The following WNT9A variants were observed in gnomAD, a reference collection of about 807,000 sequenced individuals.
The protein encoded by WNT9A is Wnt family member 9A, also known as protein Wnt-9a.
In WNT9A, 8 loss-of-function variants were observed where a neutral mutation model predicts 31.4. The observed-to-expected ratio is 0.26, with a 90% CI of 0.15 to 0.46. The LOEUF (loss-of-function observed/expected upper bound fraction) is 0.46, where lower values mean the gene tolerates loss of function less well. Among genes scored for constraint, WNT9A ranks in the 20% least tolerant of loss-of-function variants. The pLI is 0.99. For missense variants in WNT9A, 457 were observed against 522.9 expected (o/e 0.87, Z 1.23); for synonymous variants, 236 against 220.1 (o/e 1.07, Z -0.64).
At chr1:227,929,116 T>C (rs1666467391) in intron 1 of WNT9A, among the ~76,000 whole-genome samples, 1 of 152,078 alleles carries the variant, frequency 6.6e-6, no homozygotes, top group African/African-American at 2.4e-5. Flanking sequence ...GGAAACCAAC[T>C]GGCTCTTCAA....
chr1:227,924,532 G>A (rs1452577614), intron 2 of WNT9A, 132 bp from the exon 3 acceptor site: 16 of 1,348,828 alleles, frequency 1.2e-5, no homozygotes, highest in Admixed American at 2.5e-5. Context: ...TGCTGCACTC[G>A]GGACAGGGTG....
intron 3 of WNT9A, 49 bp downstream of exon 3, chr1:227,924,089 C>A: frequency 1.3e-6 from 1 of 741,270 alleles, no homozygotes; most frequent in Non-Finnish European, 2.0e-6. Flanking sequence ...AACCCCCTGA[C>A]GCTCTTTCTG....
rs568071666 is a variant in WNT9A, at chr1:227,946,375, G to A, written c.95+1418C>T. 2.6e-3 allele frequency among the ~76,000 whole-genome samples: 403 copies of A among 152,382 alleles called. 2 individuals are homozygous for A. Among genetic ancestry groups the A allele is most frequent in the African/African-American group, 9.2e-3 (383 of 41,586 alleles). On this transcript the variant is annotated intron_variant, in intron 1 of 3. Coordinates refer to ENST00000272164, the MANE Select transcript of WNT9A (RefSeq NM_003395.4). ...GGGTGTGTCCCCAGCCCAAGAAGCA[G>A]AGCCTCCGCTGGGCCGGAGAGCAGG... is the stretch of plus-strand genomic sequence containing the variant.
chr1:227,927,618 CG>C (rs1558260451), intron 1 of WNT9A, among the ~76,000 whole-genome samples: 1 of 152,120 alleles, frequency 6.6e-6, no homozygotes, highest in East Asian at 1.9e-4. Flanking sequence ...GGGAGGCAGG[CG>C]GGGGAGTAAG....
chr1:227,924,085 C>CCCCCCCCCCCTTTTT, intron 3 of WNT9A, 53 bp downstream of exon 3: 1 of 1,063,498 alleles, frequency 9.4e-7, no homozygotes, highest in South Asian at 1.7e-5. Context: ...CCCCAACCCC[C>CCCCCCCCCCCTTTTT]TGACGCTCTT....
In WNT9A at chr1:227,920,210, G is replaced by C. The variant is rs975843090; in HGVS notation, c.*1308C>G. 6.6e-6 allele frequency: 1 copy of C among 152,326 alleles called. No homozygotes were observed. The highest frequency in any genetic ancestry group is 1.5e-5 in the Non-Finnish European group (1 of 68,110). The allele number at this position is 152,326 out of a possible 1,614,324, so 9.4% of individuals were successfully genotyped here. On this transcript the variant is annotated 3_prime_UTR_variant, in exon 4 of 4. Transcript: ENST00000272164. ...CACGTGGCAGTGGCTGGCTGGCATG[G>C]GGCTGGGGGAGCTGGCTTCCAGAAG...
At position 227,925,208 on chromosome 1, in the gene WNT9A, G is replaced by T. The variant is rs747076405; in HGVS notation, c.352+55C>A. ...AGGGGCCTCTTGGGATATGGACAAG[G>T]CCTGGGCTGCCACCTGTCTGGGGCC... is the stretch of plus-strand genomic sequence containing the variant. On this transcript the variant is annotated intron_variant, in intron 2 of 3. Coordinates refer to ENST00000272164, the MANE Select transcript of WNT9A (RefSeq NM_003395.4). The surrounding 1 kb of genome is among the most constrained non-coding windows in gnomAD (Gnocchi z 6.0). 9 of 1,471,042 alleles carry T rather than the reference G, an allele frequency of 6.1e-6. No individual in the cohort carries two copies. Among genetic ancestry groups the T allele is most frequent in the Non-Finnish European group, 8.1e-6 (9 of 1,109,112 alleles). 91.1% of individuals were successfully genotyped at this position (1,471,042 alleles called of 1,614,324 possible).
At chr1:227,929,178 C>T (rs1666468987) in intron 1 of WNT9A, among the ~76,000 whole-genome samples, 1 of 152,146 alleles carries the variant, frequency 6.6e-6, no homozygotes, top group East Asian at 1.9e-4. Context: ...GCCTTCCTTC[C>T]CAGCTGCTCC....
chr1:227,935,587 C>G (rs950213807), intron 1 of WNT9A, among the ~76,000 whole-genome samples: 1 of 152,242 alleles, frequency 6.6e-6, no homozygotes, highest in Non-Finnish European at 1.5e-5. Context: ...GGAAATTAGA[C>G]TAAGCCCTTA....
Position 227,921,358 on chromosome 1 carries a change from C to CA in WNT9A, c.*159dup. On this transcript the variant is annotated 3_prime_UTR_variant, in exon 4 of 4. Coordinates refer to ENST00000272164, the MANE Select transcript of WNT9A (RefSeq NM_003395.4). Reference sequence around the variant, plus strand: ...GCTGCTAGGTCTGAGCCCAGGGACTCAGCCCATGCAGGTGTAGACCCATTC... The same window carrying CA: ...GCTGCTAGGTCTGAGCCCAGGGACTCAAGCCCATGCAGGTGTAGACCCATTC... The CA allele has an allele frequency of 8.3e-7, 1 of 1,201,360 alleles. No individual in the cohort carries two copies. Among genetic ancestry groups the CA allele is most frequent in the East Asian group, 2.4e-5 (1 of 40,958 alleles). The allele number at this position is 1,201,360 out of a possible 1,614,324, so 74.4% of individuals were successfully genotyped here. A position where few individuals can be genotyped will look rare whatever the true frequency, so the allele number is the denominator to read the frequency against.
At chr1:227,924,975 C>A (rs1217067545) in intron 2 of WNT9A, among the ~76,000 whole-genome samples, 1 of 152,100 alleles carries the variant, frequency 6.6e-6, no homozygotes, top group African/African-American at 2.4e-5. Flanking sequence ...CTGGCATGAG[C>A]CGAGGGCTGT....
chr1:227,946,221 C>T (rs989213961), intron 1 of WNT9A, among the ~76,000 whole-genome samples: 4 of 152,236 alleles, frequency 2.6e-5, no homozygotes, highest in African/African-American at 9.6e-5. Flanking sequence ...GCAGCAGAGC[C>T]CCTTGACCTT....
chr1:227,937,207 A>G (rs1666610254), intron 1 of WNT9A, among the ~76,000 whole-genome samples: 1 of 152,134 alleles, frequency 6.6e-6, no homozygotes, highest in Admixed American at 6.5e-5. Context: ...GCCATCCCCA[A>G]GTGTCTTCCT....
chr1:227,921,567 T>G lies in WNT9A; in HGVS notation c.1049A>C (p.Glu350Ala). ...CTCACGCTGCGTGCACTGCCTGCAC[T>G]CCACATAGCAGCACCAACGCACCTG... The part of the protein sequence containing the change: ...QCQVRWCCYV[E>A]CRQCTQREEV... The change falls in exon 4 of 4, where the codon GAG becomes GCG. Residue 350 changes from glutamate to alanine, a missense_variant. Glu to Ala is a moderately radical substitution (Grantham distance 107). Coordinates refer to ENST00000272164, the MANE Select transcript of WNT9A (RefSeq NM_003395.4). The G allele has an allele frequency of 1.2e-6, 2 of 1,613,304 alleles. No individual in the cohort carries two copies. The highest frequency in any genetic ancestry group is 1.7e-6 in the Non-Finnish European group (2 of 1,179,834).
In WNT9A at chr1:227,919,714, C is replaced by CAA. The variant is rs1666275459; in HGVS notation, c.*1803_*1804insTT. On this transcript the variant is annotated 3_prime_UTR_variant, in exon 4 of 4. Transcript: ENST00000272164. ...ACACACACACACACACACACACACA[C>CAA]ACACACACAGACCATGCCAGCATGC... The CAA allele has an allele frequency of 9.4e-6, 1 of 106,396 alleles. No individual in the cohort carries two copies. Among genetic ancestry groups the CAA allele is most frequent in the Non-Finnish European group, 2.1e-5 (1 of 48,746 alleles). The allele number at this position is 106,396 out of a possible 1,614,324, so 6.6% of individuals were successfully genotyped here. A position where few individuals can be genotyped will look rare whatever the true frequency, so the allele number is the denominator to read the frequency against.
chr1:227,934,439 T>C (rs78590291), intron 1 of WNT9A, among the ~76,000 whole-genome samples: 4,149 of 152,362 alleles, frequency 0.027, 95 homozygotes, highest in Non-Finnish European at 0.039. Context: ...TGCTTTCTCC[T>C]GTTTTTGTCT....
Position 227,925,688 on chromosome 1 carries a change from G to A in WNT9A, c.96-169C>T, listed in dbSNP as rs548510421. Reference sequence around the variant, plus strand: ...GGGAGAGGGAGGCGAGAAGGGCCTTGGCCCCCTGCACACCCATGGCCCCCA... The same window carrying A: ...GGGAGAGGGAGGCGAGAAGGGCCTTAGCCCCCTGCACACCCATGGCCCCCA... On this transcript the variant is annotated intron_variant, in intron 1 of 3. Coordinates refer to ENST00000272164, the MANE Select transcript of WNT9A (RefSeq NM_003395.4). The surrounding 1 kb of genome is among the most constrained non-coding windows in gnomAD (Gnocchi z 6.0). Among the ~76,000 whole-genome samples the A allele has an allele frequency of 1.3e-5, 2 of 152,270 alleles. No individual in the cohort carries two copies. The highest frequency in any genetic ancestry group is 1.3e-4 in the Admixed American group (2 of 15,306).
At chr1:227,933,804 C>T (rs542186575) in intron 1 of WNT9A, among the ~76,000 whole-genome samples, 49 of 152,320 alleles carry the variant, frequency 3.2e-4, no homozygotes, top group Non-Finnish European at 5.3e-4. Context: ...CTGCAAGATT[C>T]GCTGTGAATT....
At chr1:227,947,400 G>C (rs996732680) in intron 1 of WNT9A, among the ~76,000 whole-genome samples, 7 of 152,166 alleles carry the variant, frequency 4.6e-5, no homozygotes, top group African/African-American at 7.2e-5. Context: ...AGAAGAGAAA[G>C]GGGGGGAAGC....
Sources: allele counts gnomAD v4.1 joint callset (sites outside exome capture counted in the v4.1 genomes callset), GRCh38; gene constraint gnomAD v4.1.1; non-coding constraint Gnocchi (gnomAD v3.1); transcripts MANE v1.5; gene names NCBI Gene and HGNC (gene_info 2026-07-23, HGNC 2026-07-21).